The following CYP19A1 variants were observed in gnomAD, a reference collection of about 807,000 sequenced individuals.
CYP19A1 encodes the protein cytochrome P450 family 19 subfamily A member 1, also known as aromatase.
CYP19A1 carries 32 observed loss-of-function variants against 44.4 expected under a neutral mutation model. The observed-to-expected ratio is 0.72, with a 90% CI of 0.54 to 0.97. The LOEUF (loss-of-function observed/expected upper bound fraction) is 0.97, where lower values mean the gene tolerates loss of function less well. Ranked by LOEUF, CYP19A1 falls within the 50% of genes least tolerant of loss-of-function variation. CYP19A1 has a pLI of 0.00. For missense variants in CYP19A1, 598 were observed against 637.8 expected, an observed-to-expected ratio of 0.94 and a Z score of 0.67; for synonymous variants, 212 against 215.6, an observed-to-expected ratio of 0.98 and a Z score of 0.14.
intron 1 of CYP19A1, among the ~76,000 whole-genome samples, chr15:51,311,911 C>T (rs896197877): frequency 6.6e-6 from 1 of 152,206 alleles, no homozygotes; most frequent in East Asian, 1.9e-4. Context: ...TTCTAAGCCC[C>T]TTCAGCTCTA....
chr15:51,330,043 A>G (rs377302676), intron 1 of CYP19A1, among the ~76,000 whole-genome samples: 1 of 152,082 alleles, frequency 6.6e-6, no homozygotes. Context: ...AGAAGGGGAG[A>G]AGAGGAAAAC....
chr15:51,287,568 C>T (rs1318364291), intron 1 of CYP19A1, among the ~76,000 whole-genome samples: 1 of 152,226 alleles, frequency 6.6e-6, no homozygotes. Context: ...GCAGCCTCTC[C>T]CATGCAGGCT....
intron 3 of CYP19A1, among the ~76,000 whole-genome samples, chr15:51,228,868 A>G (rs867313537): frequency 1.3e-5 from 2 of 152,132 alleles, no homozygotes; most frequent in Admixed American, 6.5e-5. Context: ...CACAGCTGCA[A>G]ATTCTCCCAC....
chr15:51,249,869 G>A (rs11636686), intron 1 of CYP19A1, among the ~76,000 whole-genome samples: 56,642 of 152,138 alleles, frequency 0.37, 12,504 homozygotes, highest in Non-Finnish European at 0.5. Context: ...CACATTCTGT[G>A]ATATGATTTC....
intron 1 of CYP19A1, among the ~76,000 whole-genome samples, chr15:51,249,717 C>T (rs1436455780): frequency 6.6e-6 from 1 of 152,162 alleles, no homozygotes; most frequent in South Asian, 2.1e-4. Flanking sequence ...ATCAAGGAGA[C>T]ACAGAGTATC....
chr15:51,233,570 C>A, intron 3 of CYP19A1, among the ~76,000 whole-genome samples: 1 of 152,126 alleles, frequency 6.6e-6, no homozygotes, highest in East Asian at 1.9e-4. Flanking sequence ...ATAATAAATT[C>A]TCAGTAAATG....
intron 1 of CYP19A1, among the ~76,000 whole-genome samples, chr15:51,279,358 C>T (rs1436019140): frequency 6.6e-6 from 1 of 152,186 alleles, no homozygotes; most frequent in Non-Finnish European, 1.5e-5. Context: ...GGGAGCCCAG[C>T]AGGAAGATGA....
intron 1 of CYP19A1, among the ~76,000 whole-genome samples, chr15:51,283,374 G>A (rs1434350415): frequency 6.6e-6 from 1 of 152,182 alleles, no homozygotes; most frequent in Non-Finnish European, 1.5e-5. Context: ...GCAATTGGTG[G>A]TGCTATACAA....
intron 8 of CYP19A1, among the ~76,000 whole-genome samples, chr15:51,213,096 T>C (rs1022337339): frequency 6.6e-6 from 1 of 152,218 alleles, no homozygotes; most frequent in African/African-American, 2.4e-5. Context: ...CAAAGTGAGA[T>C]GGCAGATTTG....
chr15:51,333,547 T>C (rs1018763614), intron 1 of CYP19A1, among the ~76,000 whole-genome samples: 1 of 152,264 alleles, frequency 6.6e-6, no homozygotes, highest in Non-Finnish European at 1.5e-5. Flanking sequence ...GTCCACAGTT[T>C]GACCTAAAAA....
intron 1 of CYP19A1, among the ~76,000 whole-genome samples, chr15:51,323,131 C>T (rs2036553484): frequency 6.6e-6 from 1 of 152,200 alleles, no homozygotes; most frequent in South Asian, 2.1e-4. Flanking sequence ...CCTCCAGGGC[C>T]ACTGTCTCTG....
Position 51,218,559 on chromosome 15 carries a change from T to C in CYP19A1, c.725A>G (p.Lys242Arg). 1 of 1,613,480 alleles carries C rather than the reference T, an allele frequency of 6.2e-7. No homozygotes were observed. The highest frequency in any genetic ancestry group is 1.3e-5 in the African/African-American group (1 of 75,040). Residue 242 changes from lysine (K) to arginine (R), a missense_variant, in exon 6 of 10, where the codon AAA becomes AGA. Lys to Arg is a conservative substitution (Grantham distance 26). Transcript: ENST00000396402. ...TACTTACACAGACTTCTCATACTTT[T>C]TGTATAGCCAAGAAATCTTAAAGAA... ...DIFFKISWLY[K>R]KYEKSVKDLK... is the part of the protein sequence containing the mutation.
chr15:51,241,596 GC>G (rs1221626062), intron 2 of CYP19A1, among the ~76,000 whole-genome samples: 1 of 150,500 alleles, frequency 6.6e-6, no homozygotes, highest in Non-Finnish European at 1.5e-5. Context: ...TGACCTAGAA[GC>G]CCCCTTGGGA....
rs531651686 is a variant in CYP19A1 at position 51,294,016 on chromosome 15, C to G, written c.-39+44479G>C. 9.9e-4 allele frequency: 186 copies of G among 188,830 alleles called. 9 individuals carry two copies. The highest frequency in any genetic ancestry group is 4.6e-3 in the African/African-American group (179 of 38,828). The allele number at this position is 188,830 out of a possible 1,614,324, so 11.7% of individuals were successfully genotyped here. A position where few individuals can be genotyped will look rare whatever the true frequency, so the allele number is the denominator to read the frequency against. On this transcript the variant is annotated intron_variant, in intron 1 of 9. Transcript: ENST00000396402. ...GTGAGGAGCGTCTCTGCCTGGCCGC[C>G]CATCGTCTGGGATGTGAGGAGCCCC...
intron 1 of CYP19A1, among the ~76,000 whole-genome samples, chr15:51,249,241 C>T (rs2034204864): frequency 6.6e-6 from 1 of 152,084 alleles, no homozygotes; most frequent in African/African-American, 2.4e-5. Flanking sequence ...ATGTCCGACC[C>T]CAAATTCATC....
chr15:51,213,686 C>G (rs2031262145), intron 8 of CYP19A1, among the ~76,000 whole-genome samples: 1 of 152,142 alleles, frequency 6.6e-6, no homozygotes, highest in Admixed American at 6.5e-5. Context: ...TTTGAAGTGT[C>G]AGGGGAACAT....
chr15:51,214,888 A>T lies in CYP19A1; in HGVS notation c.1021+182T>A, dbSNP rs2031410576. 6 of 969,024 alleles carry T rather than the reference A, an allele frequency of 6.2e-6. No individual in the cohort carries two copies. In the East Asian group the frequency reaches 1.1e-4, roughly 17 times the overall value. 60.0% of individuals were successfully genotyped at this position (969,024 alleles called of 1,614,324 possible). ...GCATGCATCATTTTTATGATTAAGA[A>T]CACAGAAAGAGCTATCTTTTCCGTC... On this transcript the variant is annotated intron_variant, in intron 8 of 9. Transcript: ENST00000396402.
intron 3 of CYP19A1, among the ~76,000 whole-genome samples, chr15:51,234,101 T>C (rs1391848960): frequency 6.6e-6 from 1 of 152,162 alleles, no homozygotes; most frequent in Non-Finnish European, 1.5e-5. Flanking sequence ...TGGCAAACTA[T>C]TCAAATAAAA....
chr15:51,280,063 G>T (rs16953058), intron 1 of CYP19A1: 3 of 151,646 alleles, frequency 2.0e-5, no homozygotes, highest in Admixed American at 1.3e-4. Flanking sequence ...ATAAGAGCCC[G>T]CTCTGCTCAC....
Sources: gnomAD v4.1 joint callset for allele counts (sites outside exome capture counted in the v4.1 genomes callset) on GRCh38, gnomAD v4.1.1 for gene constraint, MANE v1.5 for transcripts, NCBI Gene and HGNC (gene_info 2026-07-23, HGNC 2026-07-21) for gene names.